The following SNX14 variants were observed in gnomAD, a reference collection of about 807,000 sequenced individuals.
SNX14 encodes sorting nexin-14.
In SNX14, 93 loss-of-function variants were observed where a neutral mutation model predicts 133.8. That is an observed-to-expected ratio of 0.70 (90% confidence interval 0.59 to 0.83). The LOEUF (loss-of-function observed/expected upper bound fraction) is 0.83. Ranked by LOEUF, SNX14 falls within the 40% of genes least tolerant of loss-of-function variation. The probability of loss-of-function intolerance (pLI) is 0.00; values close to 1 mark genes in which losing one functional copy is unlikely to be tolerated. For missense variants in SNX14, 945 were observed against 1,094.9 expected, an observed-to-expected ratio of 0.86 and a Z score of 1.93; for synonymous variants, 368 against 365.6, an observed-to-expected ratio of 1.01 and a Z score of -0.07.
chr6:85,545,168 C>T (rs1381234526), intron 12 of SNX14, among the ~76,000 whole-genome samples: 2 of 151,976 alleles, frequency 1.3e-5, no homozygotes, highest in African/African-American at 2.4e-5. Context: ...AAAAAAGTAA[C>T]AGAACACACT....
chr6:85,511,887 G>A (rs1031757294), intron 26 of SNX14, among the ~76,000 whole-genome samples: 9 of 152,162 alleles, frequency 5.9e-5, no homozygotes, highest in Non-Finnish European at 1.3e-4. Context: ...TGACACACAA[G>A]TTAAGAGGAA....
intron 21 of SNX14, among the ~76,000 whole-genome samples, chr6:85,525,530 T>A (rs1287307365): frequency 1.3e-5 from 2 of 152,142 alleles, no homozygotes; most frequent in East Asian, 3.8e-4. Flanking sequence ...TGTACAGAAG[T>A]ACCATGAAAT....
intron 19 of SNX14, 24 bp downstream of exon 19, chr6:85,530,168 T>G (rs773869161): frequency 7.0e-7 from 1 of 1,436,800 alleles, no homozygotes; most frequent in South Asian, 1.2e-5. Context: ...AAATGTAATG[T>G]TTTATCCAAA....
intron 28 of SNX14, among the ~76,000 whole-genome samples, chr6:85,506,424 C>G (rs1277379819): frequency 3.9e-5 from 6 of 152,016 alleles, no homozygotes; most frequent in Admixed American, 6.6e-5. Context: ...TTAAGCGATT[C>G]TCCTGTGTCA....
chr6:85,581,316 A>G (rs940116418), intron 1 of SNX14: 4 of 152,232 alleles, frequency 2.6e-5, no homozygotes, highest in Admixed American at 6.5e-5. Flanking sequence ...ATATGGCTGC[A>G]TTGACCAAAA....
chr6:85,514,391 A>G, intron 24 of SNX14, 115 bp downstream of exon 24: 1 of 1,435,708 alleles, frequency 7.0e-7, no homozygotes, highest in Non-Finnish European at 9.5e-7. Context: ...AATTATTATA[A>G]AAGGTATCTT....
rs1179699933 is a variant in SNX14, at chr6:85,520,024, TAGTAGTAGTAGTAGTAGC to T, written c.2108-1994_2108-1977del. On this transcript the variant is annotated intron_variant, in intron 21 of 28. Coordinates refer to ENST00000314673, the MANE Select transcript of SNX14 (RefSeq NM_153816.6). The stretch of plus-strand genomic sequence containing the variant: ...AAATATTGCTTTTATACAGTAGTAG[TAGTAGTAGTAGTAGTAGC>T]AGTAGTAGTAGTAGTAATAGTAGTA... Among the ~76,000 whole-genome samples the T allele has an allele frequency of 2.6e-5, 4 of 151,784 alleles. No individual in the cohort carries two copies. In the East Asian group the frequency reaches 7.7e-4, roughly 29 times the overall value.
Position 85,507,948 on chromosome 6 carries a change from C to G in SNX14, c.2745+20G>C, listed in dbSNP as rs61744370. 2 of 1,604,476 alleles carry G rather than the reference C, an allele frequency of 1.2e-6. No individual in the cohort carries two copies. The highest frequency in any genetic ancestry group is 3.4e-5 in the Admixed American group (2 of 59,542). ...ACCAAACCTAGCCAGCATGAGTTTA[C>G]GAGCTTTAATGAGCTTTACCTGCTT... On this transcript the variant is annotated intron_variant, in intron 27 of 28. Coordinates refer to ENST00000314673, the MANE Select transcript of SNX14 (RefSeq NM_153816.6).
chr6:85,558,638 GT>G (rs1330407500), intron 6 of SNX14, among the ~76,000 whole-genome samples: 1 of 151,842 alleles, frequency 6.6e-6, no homozygotes, highest in Non-Finnish European at 1.5e-5. Flanking sequence ...GTTTTTTGTA[GT>G]TTTTAGTAGA....
At chr6:85,562,408 T>C (rs544116416) in intron 6 of SNX14, among the ~76,000 whole-genome samples, 1 of 152,288 alleles carries the variant, frequency 6.6e-6, no homozygotes, top group Admixed American at 6.5e-5. Flanking sequence ...GATAAATATT[T>C]TCCCTTGAAA....
At chr6:85,539,026 A>C (rs1300083399) in intron 15 of SNX14, among the ~76,000 whole-genome samples, 162 bp from the exon 16 acceptor site, 3 of 152,224 alleles carry the variant, frequency 2.0e-5, no homozygotes, top group Non-Finnish European at 4.4e-5. Flanking sequence ...TTCATGAATA[A>C]GGTGATAAAG....
At chr6:85,569,045 A>C (rs928246298) in intron 4 of SNX14, among the ~76,000 whole-genome samples, 1 of 150,980 alleles carries the variant, frequency 6.6e-6, no homozygotes, top group Non-Finnish European at 1.5e-5. Flanking sequence ...GGCTCACCTC[A>C]ACCTCCACCT....
intron 21 of SNX14, among the ~76,000 whole-genome samples, chr6:85,518,360 T>C (rs1222733042): frequency 6.6e-6 from 1 of 152,180 alleles, no homozygotes; most frequent in African/African-American, 2.4e-5. Context: ...TCTACTTTTG[T>C]GAAAATTTCT....
rs1473173855 is a variant in SNX14, at chr6:85,572,293, C to T, written c.338+5G>A. On this transcript the variant is annotated splice_donor_5th_base_variant and intron_variant, in intron 3 of 28. Transcript: ENST00000314673. ...GATCAACAAATAAAAAAATATTTAA[C>T]TTACCTATGTCGTTTACATTTCACT... 1 of 1,612,802 alleles carries T rather than the reference C, an allele frequency of 6.2e-7. No individual in the cohort carries two copies. Among genetic ancestry groups the T allele is most frequent in the South Asian group, 1.1e-5 (1 of 90,898 alleles).
chr6:85,564,241 T>C (rs1001683327), intron 6 of SNX14, among the ~76,000 whole-genome samples: 2 of 152,244 alleles, frequency 1.3e-5, no homozygotes, highest in African/African-American at 4.8e-5. Context: ...TATGTGTGCA[T>C]GTGTCTTTAG....
intron 1 of SNX14, among the ~76,000 whole-genome samples, chr6:85,584,299 G>A (rs919422854): frequency 1.2e-4 from 19 of 152,124 alleles, no homozygotes; most frequent in African/African-American, 4.3e-4. Flanking sequence ...AAAAACCCTA[G>A]AATAAAACCT....
intron 4 of SNX14, among the ~76,000 whole-genome samples, chr6:85,571,746 C>A (rs1420549009): frequency 6.6e-6 from 1 of 152,290 alleles, no homozygotes; most frequent in East Asian, 1.9e-4. Context: ...ATATCCCATT[C>A]CCTACTCTAC....
At chr6:85,563,848 T>A (rs910168002) in intron 6 of SNX14, among the ~76,000 whole-genome samples, 3 of 152,158 alleles carry the variant, frequency 2.0e-5, no homozygotes, top group Admixed American at 1.3e-4. Flanking sequence ...TGTATACATG[T>A]GCCATGTTGG....
At chr6:85,526,431 T>C (rs981920260) in intron 20 of SNX14, among the ~76,000 whole-genome samples, 194 bp from the exon 21 acceptor site, 1 of 152,204 alleles carries the variant, frequency 6.6e-6, no homozygotes, top group African/African-American at 2.4e-5. Context: ...CAGATATGAA[T>C]GGGTTCGAAT....
Sources: allele counts gnomAD v4.1 joint callset (sites outside exome capture counted in the v4.1 genomes callset), GRCh38; gene constraint gnomAD v4.1.1; transcripts MANE v1.5; gene names NCBI Gene and HGNC (gene_info 2026-07-23, HGNC 2026-07-21).